TBC1D4: variants seen among roughly 807,000 people sequenced by gnomAD.
The protein encoded by TBC1D4 is TBC (Tre-2, BUB2, CDC16) domain-containing protein.
Under a neutral mutation model 142.5 loss-of-function variants are expected in TBC1D4, and 121 were observed. The observed-to-expected ratio is 0.85, with a 90% CI of 0.73 to 0.99. TBC1D4 has a LOEUF of 0.99. Ranked by LOEUF, TBC1D4 falls within the 50% of genes least tolerant of loss-of-function variation. The pLI, the probability that TBC1D4 is intolerant of heterozygous loss-of-function variation, is 0.00. For missense variants in TBC1D4, 1,475 were observed against 1,606.6 expected (o/e 0.92, Z 1.40); for synonymous variants, 630 against 628.2 (o/e 1.00, Z -0.04).
chr13:75,450,400 G>C (rs1186096806), intron 1 of TBC1D4, among the ~76,000 whole-genome samples: 1 of 152,094 alleles, frequency 6.6e-6, no homozygotes, highest in Non-Finnish European at 1.5e-5. Flanking sequence ...AAGCCCTTTA[G>C]TATTAAGTCT....
chr13:75,481,215 C>CGG, intron 1 of TBC1D4, 55 bp downstream of exon 1: 4 of 1,244,424 alleles, frequency 3.2e-6, no homozygotes, highest in Non-Finnish European at 3.4e-6. Context: ...TCCCGCCCTG[C>CGG]TCCCCGATCC....
At chr13:75,419,949 C>T (rs188936884) in intron 1 of TBC1D4, among the ~76,000 whole-genome samples, 212 of 152,314 alleles carry the variant, frequency 1.4e-3, no homozygotes, top group Non-Finnish European at 2.6e-3. Flanking sequence ...CAGAAGTCCT[C>T]GCGCAGGAAG....
At chr13:75,337,899 C>T (rs986833220) in intron 7 of TBC1D4, among the ~76,000 whole-genome samples, 1 of 152,106 alleles carries the variant, frequency 6.6e-6, no homozygotes, top group Non-Finnish European at 1.5e-5. Flanking sequence ...TAAAATATTG[C>T]TTGCCATTAC....
chr13:75,370,677 A>C (rs1375441758), intron 1 of TBC1D4, among the ~76,000 whole-genome samples: 2 of 152,200 alleles, frequency 1.3e-5, no homozygotes, highest in African/African-American at 4.8e-5. Flanking sequence ...TGATGGCTTA[A>C]GAGATCAGGA....
chr13:75,324,263 C>G lies in TBC1D4; in HGVS notation c.2172G>C (p.Leu724=). The G allele has an allele frequency of 1.2e-6, 2 of 1,613,808 alleles. No individual in the cohort carries two copies. The highest frequency in any genetic ancestry group is 2.7e-5 in the African/African-American group (2 of 74,998). The change falls in exon 11 of 21, where the codon CTG becomes CTC. Residue 724 remains leucine (L), a synonymous_variant. Transcript: ENST00000377636. ...TGATTTCATTTTCATACTGTGGGGA[C>G]AGTCTACCTGAATTCTGGTAAAAGC... The part of the protein sequence containing the change: ...LKSFYQNSGR[L]SPQYENEIRQ...
chr13:75,324,477 T>C (rs1879054231), intron 10 of TBC1D4, 76 bp from the exon 11 acceptor site: 12 of 1,536,116 alleles, frequency 7.8e-6, no homozygotes, highest in Non-Finnish European at 9.8e-6. Flanking sequence ...AAAAAGCATA[T>C]AAACAGGTTC....
chr13:75,319,476 A>C (rs1313370872), intron 12 of TBC1D4, among the ~76,000 whole-genome samples: 1 of 152,232 alleles, frequency 6.6e-6, no homozygotes, highest in Non-Finnish European at 1.5e-5. Context: ...ATAATAAGGA[A>C]CTAGGTGTTT....
chr13:75,318,116 T>C (rs754978794), intron 12 of TBC1D4, among the ~76,000 whole-genome samples: 18 of 152,260 alleles, frequency 1.2e-4, no homozygotes, highest in Non-Finnish European at 1.5e-5. Flanking sequence ...TCATTGACTA[T>C]TGTACAGAAT....
intron 1 of TBC1D4, among the ~76,000 whole-genome samples, chr13:75,429,117 T>A (rs2138152050): frequency 6.6e-6 from 1 of 152,348 alleles, no homozygotes; most frequent in African/African-American, 2.4e-5. Context: ...GGTGTTTTCT[T>A]TTTAAGTATT....
At chr13:75,397,596 T>C (rs549532331) in intron 1 of TBC1D4, among the ~76,000 whole-genome samples, 5 of 152,322 alleles carry the variant, frequency 3.3e-5, no homozygotes, top group Admixed American at 3.3e-4. Flanking sequence ...CCTGTTTGGC[T>C]TTTTGTTTTT....
intron 10 of TBC1D4, among the ~76,000 whole-genome samples, chr13:75,324,934 T>C (rs1593729269): frequency 1.3e-5 from 2 of 152,374 alleles, no homozygotes; most frequent in Admixed American, 6.5e-5. Flanking sequence ...TGTGCCACTA[T>C]GGTTTAATCG....
At chr13:75,403,440 G>A (rs999088381) in intron 1 of TBC1D4, among the ~76,000 whole-genome samples, 10 of 152,226 alleles carry the variant, frequency 6.6e-5, no homozygotes, top group African/African-American at 2.2e-4. Context: ...ATTCTTGTAT[G>A]TTAACAGGTA....
At position 75,318,722 on chromosome 13, in the gene TBC1D4, T is replaced by C. The variant is rs192151609; in HGVS notation, c.2222+1292A>G. Among the ~76,000 whole-genome samples the C allele has an allele frequency of 9.7e-4, 147 of 152,310 alleles. 1 individual carries two copies. Among genetic ancestry groups the C allele is most frequent in the African/African-American group, 3.4e-3 (143 of 41,572 alleles). ...ATTAAACTATTCTAGTGGAAATCAA[T>C]ATATAGTATTTGACCTATGAGTCAA... On this transcript the variant is annotated intron_variant, in intron 12 of 20. Coordinates refer to ENST00000377636, the MANE Select transcript of TBC1D4 (RefSeq NM_014832.5).
chr13:75,444,382 C>T (rs1887184366), intron 1 of TBC1D4, among the ~76,000 whole-genome samples: 1 of 152,174 alleles, frequency 6.6e-6, no homozygotes, highest in Non-Finnish European at 1.5e-5. Context: ...CCTCTTTGGC[C>T]TCCCAAAGGG....
At position 75,299,487 on chromosome 13, in the gene TBC1D4, A is replaced by T; in HGVS notation, c.2999T>A (p.Leu1000Ter). Residue 1000 changes from leucine to a stop codon, truncating the protein, a stop_gained, in exon 17 of 21, where the codon TTG (leucine) becomes TAG (stop). Coordinates refer to ENST00000377636, the MANE Select transcript of TBC1D4 (RefSeq NM_014832.5). LOFTEE classifies it high-confidence loss of function. ...ACAGTATCCCACTTCTTTGTCCAGC[A>T]AAGAATAGGCTTTCAGGAGGTTAAA... ...SLFNLLKAYS[L>*]LDKEVGYCQG... 6.2e-7 allele frequency: 1 copy of T among 1,614,196 alleles called. No individual in the cohort carries two copies. The highest frequency in any genetic ancestry group is 1.1e-5 in the South Asian group (1 of 91,084).
chr13:75,384,042 T>G (rs565581258), intron 1 of TBC1D4, among the ~76,000 whole-genome samples: 1 of 151,876 alleles, frequency 6.6e-6, no homozygotes, highest in Non-Finnish European at 1.5e-5. Flanking sequence ...AGTTAATGAG[T>G]GCAGCACACC....
chr13:75,445,786 C>A (rs867874491), intron 1 of TBC1D4, among the ~76,000 whole-genome samples: 3 of 152,150 alleles, frequency 2.0e-5, no homozygotes, highest in Non-Finnish European at 4.4e-5. Flanking sequence ...GTAAGCAAAT[C>A]AAAAGTTGTG....
chr13:75,427,516 T>A (rs527878530), intron 1 of TBC1D4, among the ~76,000 whole-genome samples: 15 of 152,278 alleles, frequency 9.9e-5, no homozygotes, highest in African/African-American at 3.6e-4. Context: ...AGACCCTGTC[T>A]CTATTTTTGA....
At chr13:75,338,307 T>C (rs1490774586) in intron 7 of TBC1D4, among the ~76,000 whole-genome samples, 2 of 149,158 alleles carry the variant, frequency 1.3e-5, no homozygotes, top group Admixed American at 1.3e-4. Context: ...ACAATGGGTA[T>C]ACATGTGGGC....
Sources: gnomAD v4.1 joint callset for allele counts (sites outside exome capture counted in the v4.1 genomes callset) on GRCh38, gnomAD v4.1.1 for gene constraint, MANE v1.5 for transcripts, NCBI Gene and HGNC (gene_info 2026-07-23, HGNC 2026-07-21) for gene names.